The following CSMD1 variants were observed in gnomAD, a reference collection of about 807,000 sequenced individuals.
The protein encoded by CSMD1 is CUB and Sushi multiple domains 1.
Under a neutral mutation model 417.5 loss-of-function variants are expected in CSMD1, and 213 were observed. The observed-to-expected ratio is 0.51, with a 90% CI of 0.46 to 0.57. The LOEUF is 0.57. CSMD1 is among the 20% of genes least tolerant of loss of function. The pLI, the probability that CSMD1 is intolerant of heterozygous loss-of-function variation, is 0.00. For synonymous variants in CSMD1, 2,862 were observed against 1,736.8 expected (o/e 1.65, Z -16.11); for missense variants, 6,923 against 4,529.7 (o/e 1.53, Z -15.17).
At chr8:4,349,514 C>T (rs561268206) in intron 3 of CSMD1, among the ~76,000 whole-genome samples, 1 of 152,202 alleles carries the variant, frequency 6.6e-6, no homozygotes, top group South Asian at 2.1e-4. Flanking sequence ...CCTTCTTTTT[C>T]CCTTTCAACA....
At chr8:4,115,729 C>G (rs1053340881) in intron 3 of CSMD1, among the ~76,000 whole-genome samples, 1 of 151,850 alleles carries the variant, frequency 6.6e-6, no homozygotes, top group Non-Finnish European at 1.5e-5. Flanking sequence ...GACATCCTGA[C>G]AATGGACTGT....
At chr8:4,373,961 G>T (rs567828599) in intron 3 of CSMD1, among the ~76,000 whole-genome samples, 1 of 152,152 alleles carries the variant, frequency 6.6e-6, no homozygotes, top group Non-Finnish European at 1.5e-5. Context: ...CTACTGAGTA[G>T]ACTTGATATA....
At chr8:4,616,370 G>A (rs992540564) in intron 2 of CSMD1, among the ~76,000 whole-genome samples, 7 of 152,156 alleles carry the variant, frequency 4.6e-5, no homozygotes, top group African/African-American at 1.7e-4. Flanking sequence ...AGGTCACATG[G>A]AGATGACCAC....
chr8:3,715,886 G>C (rs1034828013), intron 6 of CSMD1, among the ~76,000 whole-genome samples: 2 of 151,994 alleles, frequency 1.3e-5, no homozygotes, highest in African/African-American at 2.4e-5. Context: ...AGACAGACAG[G>C]AATCTTTCCC....
At chr8:3,411,235 A>G (rs539050780) in intron 12 of CSMD1, among the ~76,000 whole-genome samples, 1 of 152,316 alleles carries the variant, frequency 6.6e-6, no homozygotes, top group East Asian at 1.9e-4. Flanking sequence ...GTTTCTCTGG[A>G]CACCAGTCCC....
intron 36 of CSMD1, among the ~76,000 whole-genome samples, chr8:3,185,362 T>G (rs1821682469): frequency 1.3e-5 from 2 of 152,198 alleles, no homozygotes; most frequent in Non-Finnish European, 2.9e-5. Context: ...TGGTCACTTC[T>G]TTTTTTCACT....
At chr8:4,164,727 G>C (rs1251754640) in intron 3 of CSMD1, among the ~76,000 whole-genome samples, 2 of 151,934 alleles carry the variant, frequency 1.3e-5, no homozygotes, top group African/African-American at 4.8e-5. Flanking sequence ...AGTACTAAAA[G>C]TATTTAAAAA....
chr8:3,644,176 T>C (rs546850655), intron 7 of CSMD1, among the ~76,000 whole-genome samples: 1 of 152,228 alleles, frequency 6.6e-6, no homozygotes, highest in South Asian at 2.1e-4. Flanking sequence ...GTAGACTTAC[T>C]GAATCAGAAA....
chr8:3,422,908 CATGG>C (rs1813587287), intron 12 of CSMD1, among the ~76,000 whole-genome samples: 1 of 152,132 alleles, frequency 6.6e-6, no homozygotes, highest in Non-Finnish European at 1.5e-5. Flanking sequence ...ACTGTCCTCA[CATGG>C]CAGAAGGAAA....
At chr8:3,858,199 T>C (rs1428882824) in intron 5 of CSMD1, among the ~76,000 whole-genome samples, 4 of 152,252 alleles carry the variant, frequency 2.6e-5, no homozygotes, top group Admixed American at 2.0e-4. Flanking sequence ...TCTATTTCCA[T>C]TCTTTAAAAT....
At chr8:4,012,979 C>G (rs892143326) in intron 4 of CSMD1, among the ~76,000 whole-genome samples, 1 of 152,168 alleles carries the variant, frequency 6.6e-6, no homozygotes, top group African/African-American at 2.4e-5. Flanking sequence ...TGTCATCTCT[C>G]AAGTAACAAC....
At chr8:4,663,761 A>C (rs2130927162) in intron 1 of CSMD1, among the ~76,000 whole-genome samples, 1 of 152,344 alleles carries the variant, frequency 6.6e-6, no homozygotes, top group East Asian at 1.9e-4. Context: ...TCTTTAAAGT[A>C]ACGTGAGAAT....
chr8:4,306,328 A>G (rs990091393), intron 3 of CSMD1, among the ~76,000 whole-genome samples: 8 of 152,220 alleles, frequency 5.3e-5, no homozygotes, highest in Admixed American at 4.6e-4. Context: ...TCCTTCCATC[A>G]TCACCATTTT....
chr8:4,713,114 G>A (rs1026129846), intron 1 of CSMD1, among the ~76,000 whole-genome samples: 1 of 152,202 alleles, frequency 6.6e-6, no homozygotes, highest in African/African-American at 2.4e-5. Flanking sequence ...ATTCATTTGA[G>A]TTAAGAAAAT....
intron 8 of CSMD1, among the ~76,000 whole-genome samples, chr8:3,592,863 G>A (rs561199317): frequency 1.1e-4 from 17 of 152,154 alleles, no homozygotes; most frequent in African/African-American, 4.1e-4. Flanking sequence ...GAGATGTGAT[G>A]GTAGGTTCTC....
chr8:3,708,335 G>T, intron 7 of CSMD1, 79 bp downstream of exon 7: 1 of 1,159,436 alleles, frequency 8.6e-7, no homozygotes, highest in Non-Finnish European at 1.3e-6. Context: ...TGGTGGGTGG[G>T]ATCGCTTCTT....
intron 41 of CSMD1, among the ~76,000 whole-genome samples, chr8:3,122,829 C>T (rs551721664): frequency 2.0e-5 from 3 of 152,174 alleles, no homozygotes; most frequent in South Asian, 2.1e-4. Context: ...TTATCAGCAG[C>T]GTGAAAATGG....
At chr8:4,487,293 G>C (rs959090506) in intron 2 of CSMD1, among the ~76,000 whole-genome samples, 10 of 152,126 alleles carry the variant, frequency 6.6e-5, no homozygotes, top group African/African-American at 2.4e-4. Context: ...TTTAGCATTA[G>C]GTATATCTCC....
At position 4,009,390 on chromosome 8, in the gene CSMD1, G is replaced by A. The variant is rs183387703; in HGVS notation, c.611-11280C>T. Among the ~76,000 whole-genome samples the A allele has an allele frequency of 3.9e-3, 592 of 152,204 alleles. 7 individuals are homozygous for A. Among genetic ancestry groups the A allele is most frequent in the Middle Eastern group, 0.02 (6 of 294 alleles). On this transcript the variant is annotated intron_variant, in intron 4 of 69. Coordinates refer to ENST00000635120, the MANE Select transcript of CSMD1 (RefSeq NM_033225.6). ...ATAGAACATTACTTAGAAGCAAACT[G>A]CCATGTTTATCATAAAGAAAAATTG...
Sources: gnomAD v4.1 joint callset for allele counts (sites outside exome capture counted in the v4.1 genomes callset) on GRCh38, gnomAD v4.1.1 for gene constraint, MANE v1.5 for transcripts, NCBI Gene and HGNC (gene_info 2026-07-23, HGNC 2026-07-21) for gene names.